MYCBP2: variants seen among roughly 807,000 people sequenced by gnomAD.
The protein encoded by MYCBP2 is E3 ubiquitin-protein ligase MYCBP2.
In MYCBP2, 120 loss-of-function variants were observed where a neutral mutation model predicts 525.3. The ratio of observed to expected loss-of-function variants is 0.23; its 90% CI spans 0.20 to 0.27. MYCBP2 has a LOEUF of 0.27. Among genes scored for constraint, MYCBP2 ranks in the 10% least tolerant of loss-of-function variants. MYCBP2 has a pLI of 1.00. For missense variants in MYCBP2, 4,149 were observed against 5,657.1 expected (o/e 0.73, Z 8.55); for synonymous variants, 1,894 against 1,955.8 (o/e 0.97, Z 0.83).
chr13:77,228,509 A>G (rs1191789164), intron 18 of MYCBP2, among the ~76,000 whole-genome samples: 1 of 151,156 alleles, frequency 6.6e-6, no homozygotes. Flanking sequence ...CCTGTCTCAA[A>G]AAAAAAAAAA....
In MYCBP2 at chr13:77,077,675, C is replaced by T. The variant is rs551477972; in HGVS notation, c.11485-288G>A. 4.3e-5 allele frequency: 12 copies of T among 275,902 alleles called. 1 individual carries two copies. Among genetic ancestry groups the T allele is most frequent in the South Asian group, 3.5e-4 (4 of 11,588 alleles). 17.1% of individuals were successfully genotyped at this position (275,902 alleles called of 1,614,324 possible). On this transcript the variant is annotated intron_variant, in intron 66 of 82. Transcript: ENST00000544440. ...CCAGGCCTGACTACGATATGGCTTC[C>T]GAGCAAAATTATATGAGTGAAATAA...
chr13:77,192,006 T>C (rs1231910731), intron 27 of MYCBP2, among the ~76,000 whole-genome samples, 193 bp from the exon 28 acceptor site: 2 of 152,252 alleles, frequency 1.3e-5, no homozygotes, highest in East Asian at 3.8e-4. Context: ...GTTATGGTGA[T>C]AGAATTACAT....
intron 17 of MYCBP2, among the ~76,000 whole-genome samples, chr13:77,242,298 T>C (rs1407676996): frequency 6.6e-6 from 1 of 152,120 alleles, no homozygotes; most frequent in Non-Finnish European, 1.5e-5. Context: ...GTACTTTTAG[T>C]AGTGATGGGG....
At chr13:77,123,252 G>C (rs150498921) in intron 54 of MYCBP2, among the ~76,000 whole-genome samples, 2 of 151,994 alleles carry the variant, frequency 1.3e-5, no homozygotes, top group African/African-American at 2.4e-5. Context: ...TATCACTCCA[G>C]GTTTTATATT....
At chr13:77,151,365 A>T (rs953804757) in intron 46 of MYCBP2, among the ~76,000 whole-genome samples, 1 of 152,232 alleles carries the variant, frequency 6.6e-6, no homozygotes, top group Non-Finnish European at 1.5e-5. Flanking sequence ...TTTGAGCTGC[A>T]CTGTTCTACA....
intron 14 of MYCBP2, among the ~76,000 whole-genome samples, chr13:77,256,523 T>C (rs77561524): frequency 0.01 from 1,563 of 152,116 alleles, 24 homozygotes; most frequent in African/African-American, 0.034. Context: ...AATTCACAAA[T>C]ATAACGTCAA....
intron 15 of MYCBP2, among the ~76,000 whole-genome samples, chr13:77,244,874 CAAG>C (rs1211004456): frequency 6.6e-6 from 1 of 152,050 alleles, no homozygotes; most frequent in African/African-American, 2.4e-5. Context: ...ACACTTCTTA[CAAG>C]AAGACATTTA....
intron 35 of MYCBP2, among the ~76,000 whole-genome samples, chr13:77,177,220 T>C (rs973335073): frequency 2.4e-4 from 36 of 151,694 alleles, no homozygotes; most frequent in Admixed American, 2.3e-3. Context: ...TTAATTCTAC[T>C]TTAAATCTTT....
intron 82 of MYCBP2, among the ~76,000 whole-genome samples, chr13:77,049,826 G>C (rs1390730542): frequency 6.6e-6 from 1 of 152,038 alleles, no homozygotes; most frequent in Non-Finnish European, 1.5e-5. Context: ...AGTAGAGATG[G>C]GGTTTCACCA....
chr13:77,100,110 G>A (rs1196048401), intron 55 of MYCBP2: 1 of 152,056 alleles, frequency 6.6e-6, no homozygotes, highest in Non-Finnish European at 1.5e-5. Context: ...CTATCTGGAA[G>A]TATTTATATT....
intron 14 of MYCBP2, among the ~76,000 whole-genome samples, chr13:77,255,687 T>G (rs930897559): frequency 6.6e-6 from 1 of 151,968 alleles, no homozygotes; most frequent in Non-Finnish European, 1.5e-5. Flanking sequence ...TGCCAATATA[T>G]TCTAGTAACT....
chr13:77,205,002 A>G (rs1015098984), intron 26 of MYCBP2, among the ~76,000 whole-genome samples: 2 of 151,824 alleles, frequency 1.3e-5, no homozygotes, highest in African/African-American at 2.4e-5. Context: ...TACATATGTA[A>G]CTAACCTGCA....
chr13:77,153,199 G>C (rs1247220395), intron 46 of MYCBP2, among the ~76,000 whole-genome samples: 2 of 152,140 alleles, frequency 1.3e-5, no homozygotes, highest in Non-Finnish European at 2.9e-5. Flanking sequence ...CAAAAAGGCT[G>C]TCATGCTGAT....
chr13:77,051,181 G>C lies in MYCBP2; in HGVS notation c.13756-19C>G. On this transcript the variant is annotated intron_variant, in intron 81 of 82. Coordinates refer to ENST00000544440, the MANE Select transcript of MYCBP2 (RefSeq NM_015057.5). ...GACACATCTATAGCAAAAGAGAAGA[G>C]ACAGACACAAGATCATAGTGAGACT... 6.3e-7 allele frequency: 1 copy of C among 1,592,604 alleles called. No homozygotes were observed.
intron 14 of MYCBP2, among the ~76,000 whole-genome samples, chr13:77,252,998 A>G (rs935820342): frequency 6.6e-6 from 1 of 152,116 alleles, no homozygotes; most frequent in Non-Finnish European, 1.5e-5. Context: ...TTATATGGAA[A>G]ATAAAATCTC....
chr13:77,059,659 T>TA, intron 76 of MYCBP2, 33 bp from the exon 77 acceptor site: 1 of 1,484,948 alleles, frequency 6.7e-7, no homozygotes, highest in Non-Finnish European at 9.4e-7. Context: ...AAATCCTTCT[T>TA]ATGGATGTTT....
chr13:77,261,076 T>TTCA, intron 12 of MYCBP2, 95 bp downstream of exon 12: 1 of 919,956 alleles, frequency 1.1e-6, no homozygotes, highest in Non-Finnish European at 1.6e-6. Flanking sequence ...GGTGTGGTGT[T>TTCA]ATTGAAATTC....
In MYCBP2 at chr13:77,166,434, A is replaced by G. The variant is rs776077152; in HGVS notation, c.6235T>C (p.Tyr2079His). 1 of 1,613,978 alleles carries G rather than the reference A, an allele frequency of 6.2e-7. No homozygotes were observed. The highest frequency in any genetic ancestry group is 1.7e-5 in the Admixed American group (1 of 60,020). ...TGAACAGATGTCAATTTTGGTCCAT[A>G]TCCTGAATTCTGAACAGTTCTGACA... ...IPVRTVQNSG[Y>H]GPKLTSVHEN... Residue 2079 changes from tyrosine (Y) to histidine (H), a missense_variant, in exon 41 of 83, where the codon TAT becomes CAT. Tyr to His is a moderately conservative substitution (Grantham distance 83, BLOSUM62 2). This residue lies in a region of MYCBP2 where 692 missense variants were observed against 852.7 expected (regional missense o/e 0.81). Coordinates refer to ENST00000544440, the MANE Select transcript of MYCBP2 (RefSeq NM_015057.5).
intron 52 of MYCBP2, among the ~76,000 whole-genome samples, chr13:77,135,269 C>T (rs1316230636): frequency 6.6e-6 from 1 of 152,114 alleles, no homozygotes; most frequent in African/African-American, 2.4e-5. Context: ...TCATGTTTTA[C>T]AATTAACAGC....
Sources: allele counts gnomAD v4.1 joint callset (sites outside exome capture counted in the v4.1 genomes callset), GRCh38; gene constraint gnomAD v4.1.1; regional missense constraint gnomAD v4.1.1; transcripts MANE v1.5; gene names NCBI Gene and HGNC (gene_info 2026-07-23, HGNC 2026-07-21).